Variants in TRPC7 observed in about 807,000 individuals in gnomAD.
The protein encoded by TRPC7 is transient receptor potential cation channel subfamily C member 7.
TRPC7 carries 42 observed loss-of-function variants against 90.1 expected under a neutral mutation model. The ratio of observed to expected loss-of-function variants is 0.47; its 90% CI spans 0.36 to 0.60. The LOEUF (loss-of-function observed/expected upper bound fraction) is 0.60, where lower values mean the gene tolerates loss of function less well. Ranked by LOEUF, TRPC7 falls within the 20% of genes least tolerant of loss-of-function variation. The pLI, the probability that TRPC7 is intolerant of heterozygous loss-of-function variation, is 0.00. For missense variants in TRPC7, 955 were observed against 1,112.3 expected (o/e 0.86, Z 2.01); for synonymous variants, 451 against 436.3 (o/e 1.03, Z -0.42).
intron 4 of TRPC7, among the ~76,000 whole-genome samples, chr5:136,272,910 A>T (rs1205930387): frequency 6.6e-6 from 1 of 152,160 alleles, no homozygotes; most frequent in African/African-American, 2.4e-5. Context: ...TTTTAATGGG[A>T]TCACATCTGC....
rs771328329 is a variant in TRPC7, at chr5:136,213,184, C to T, written c.*251G>A. On this transcript the variant is annotated 3_prime_UTR_variant, in exon 12 of 12. Transcript: ENST00000513104. ...GTGGCTGGACCAAAGGTCTCACACT[C>T]GTCAGGGGGCTGTTCCTCCCCTCCT... 18 of 494,948 alleles carry T rather than the reference C, an allele frequency of 3.6e-5. No homozygotes were observed. Among genetic ancestry groups the T allele is most frequent in the Middle Eastern group, 5.4e-4 (1 of 1,852 alleles). 30.7% of individuals were successfully genotyped at this position (494,948 alleles called of 1,614,324 possible). A position where few individuals can be genotyped will look rare whatever the true frequency, so the allele number is the denominator to read the frequency against.
chr5:136,225,208 C>A (rs1263004958), intron 10 of TRPC7, 66 bp downstream of exon 10: 3 of 1,435,808 alleles, frequency 2.1e-6, no homozygotes, highest in Admixed American at 3.8e-5. Context: ...AGTCATGGGA[C>A]TAAATCTGTG....
chr5:136,245,813 T>C (rs1405665324), intron 7 of TRPC7, among the ~76,000 whole-genome samples: 1 of 152,226 alleles, frequency 6.6e-6, no homozygotes, highest in Non-Finnish European at 1.5e-5. Flanking sequence ...CATTTATCCA[T>C]AAAGGTATTT....
intron 2 of TRPC7, among the ~76,000 whole-genome samples, chr5:136,333,931 T>C (rs2149847935): frequency 6.6e-6 from 1 of 152,384 alleles, no homozygotes; most frequent in South Asian, 2.1e-4. Flanking sequence ...TAAATCTGAC[T>C]GTTTTCCTTT....
intron 5 of TRPC7, among the ~76,000 whole-genome samples, chr5:136,253,384 G>T (rs1303126289): frequency 6.6e-6 from 1 of 151,910 alleles, no homozygotes; most frequent in African/African-American, 2.4e-5. Context: ...CAGAGACTGT[G>T]TTTTTTTCAA....
chr5:136,365,083 T>A (rs945710385), intron 1 of TRPC7, among the ~76,000 whole-genome samples, 170 bp downstream of exon 1: 3 of 151,748 alleles, frequency 2.0e-5, no homozygotes, highest in Admixed American at 6.6e-5. Flanking sequence ...AAAAAAAAAA[T>A]TTCTTCTACC....
At chr5:136,332,597 T>C (rs1208938868) in intron 2 of TRPC7, among the ~76,000 whole-genome samples, 5 of 152,068 alleles carry the variant, frequency 3.3e-5, no homozygotes, top group African/African-American at 1.2e-4. Flanking sequence ...AGGAGGAGTA[T>C]AAAATTCTGA....
intron 7 of TRPC7, among the ~76,000 whole-genome samples, chr5:136,244,358 C>G (rs1160601791): frequency 6.6e-6 from 1 of 152,068 alleles, no homozygotes; most frequent in Non-Finnish European, 1.5e-5. Flanking sequence ...TGTCATGGCA[C>G]TGATCTTCTG....
intron 2 of TRPC7, among the ~76,000 whole-genome samples, chr5:136,327,796 A>G (rs1759386772): frequency 6.6e-6 from 1 of 152,208 alleles, no homozygotes; most frequent in Non-Finnish European, 1.5e-5. Flanking sequence ...TTTGGCTAAC[A>G]CAGGACTTAG....
intron 3 of TRPC7, among the ~76,000 whole-genome samples, chr5:136,278,978 G>T (rs1003951520): frequency 3.3e-5 from 5 of 152,062 alleles, no homozygotes; most frequent in Admixed American, 1.3e-4. Flanking sequence ...CTACAGCTGG[G>T]GGTTCTGCCA....
chr5:136,216,215 C>T lies in TRPC7; in HGVS notation c.2404G>A (p.Asp802Asn), dbSNP rs1446407084. The T allele has an allele frequency of 6.8e-6, 11 of 1,613,018 alleles. No individual in the cohort carries two copies. The highest frequency in any genetic ancestry group is 1.7e-5 in the Admixed American group (1 of 59,916). Reference protein sequence around the residue: ...VLKAQVDRENDEVNEGELKEI... With the variant: ...VLKAQVDRENNEVNEGELKEI... Reference sequence around the variant, plus strand: ...AGTCATTTACCTTCATTGACTTCGTCATTTTCTCTGTCCACCTGGGCTTTC... The same window carrying T: ...AGTCATTTACCTTCATTGACTTCGTTATTTTCTCTGTCCACCTGGGCTTTC... Residue 802 changes from aspartate to asparagine, a missense_variant, in exon 11 of 12, where the codon GAC (aspartate) becomes AAC (asparagine). Coordinates refer to ENST00000513104, the MANE Select transcript of TRPC7 (RefSeq NM_020389.3).
chr5:136,349,527 T>C (rs1375799037), intron 2 of TRPC7, among the ~76,000 whole-genome samples: 3 of 152,212 alleles, frequency 2.0e-5, no homozygotes, highest in Non-Finnish European at 2.9e-5. Context: ...TAAGAAGTTA[T>C]GTATTTTTTA....
chr5:136,327,865 A>T (rs1045305209), intron 2 of TRPC7, among the ~76,000 whole-genome samples: 4 of 152,230 alleles, frequency 2.6e-5, no homozygotes, highest in African/African-American at 9.6e-5. Context: ...CTGATGGGTA[A>T]GAAAGCTCTG....
At chr5:136,271,148 G>A (rs182297388) in intron 4 of TRPC7, among the ~76,000 whole-genome samples, 1 of 152,116 alleles carries the variant, frequency 6.6e-6, no homozygotes, top group Non-Finnish European at 1.5e-5. Context: ...TGGTGAAGAG[G>A]GGGTACCAAC....
intron 6 of TRPC7, among the ~76,000 whole-genome samples, chr5:136,249,122 T>C (rs772437231): frequency 4.6e-5 from 7 of 152,226 alleles, no homozygotes; most frequent in Non-Finnish European, 8.8e-5. Context: ...ATTGCCATTT[T>C]TAAGATTGGA....
chr5:136,296,299 G>A (rs1758169208), intron 3 of TRPC7, among the ~76,000 whole-genome samples: 1 of 152,194 alleles, frequency 6.6e-6, no homozygotes, highest in African/African-American at 2.4e-5. Context: ...GCAAAGTGCA[G>A]ATGAAACCAG....
At chr5:136,276,021 G>A (rs1010707034) in intron 3 of TRPC7, among the ~76,000 whole-genome samples, 1 of 152,050 alleles carries the variant, frequency 6.6e-6, no homozygotes, top group East Asian at 1.9e-4. Context: ...TTTTTTGCTT[G>A]ATCCAGCATA....
intron 2 of TRPC7, among the ~76,000 whole-genome samples, chr5:136,317,579 A>G (rs1034755212): frequency 6.6e-6 from 1 of 152,178 alleles, no homozygotes; most frequent in Non-Finnish European, 1.5e-5. Context: ...ACATGGACCC[A>G]TTCAACTCTG....
At chr5:136,298,603 C>G (rs1323536546) in intron 3 of TRPC7, among the ~76,000 whole-genome samples, 1 of 152,160 alleles carries the variant, frequency 6.6e-6, no homozygotes. Flanking sequence ...AGGTGATGCC[C>G]TCCCCTTGGG....
Sources: gnomAD v4.1 joint callset for allele counts (sites outside exome capture counted in the v4.1 genomes callset) on GRCh38, gnomAD v4.1.1 for gene constraint, MANE v1.5 for transcripts, NCBI Gene and HGNC (gene_info 2026-07-23, HGNC 2026-07-21) for gene names.